The following PIGF variants were observed in gnomAD, a reference collection of about 807,000 sequenced individuals.
PIGF encodes the protein phosphatidylinositol glycan anchor biosynthesis class F.
Under a neutral mutation model 26.0 loss-of-function variants are expected in PIGF, and 23 were observed. The observed-to-expected ratio is 0.88, with a 90% CI of 0.64 to 1.25. The LOEUF (loss-of-function observed/expected upper bound fraction) is 1.25. Among genes scored for constraint, PIGF ranks in the 50% most tolerant of loss-of-function variants. PIGF has a pLI of 0.00. For synonymous variants in PIGF, 93 were observed against 92.6 expected (o/e 1.00, Z -0.03); for missense variants, 278 against 249.9 (o/e 1.11, Z -0.76).
chr2:46,586,124 A>T (rs913574714), intron 5 of PIGF, among the ~76,000 whole-genome samples: 1 of 152,310 alleles, frequency 6.6e-6, no homozygotes. Context: ...AATGTCTGTT[A>T]CAAGAGCAAA....
chr2:46,582,021 TAAAG>T (rs1395950199), intron 5 of PIGF: 1 of 158,224 alleles, frequency 6.3e-6, no homozygotes, highest in Non-Finnish European at 1.4e-5. Context: ...TAAGTTGTGT[TAAAG>T]AGGAAAGACC....
intron 4 of PIGF, among the ~76,000 whole-genome samples, chr2:46,607,733 C>T (rs988937125): frequency 4.0e-5 from 6 of 151,564 alleles, no homozygotes; most frequent in African/African-American, 1.2e-4. Flanking sequence ...CTCGCTCTAT[C>T]GCCCAGGCTG....
intron 4 of PIGF, among the ~76,000 whole-genome samples, chr2:46,606,146 A>G (rs1047742577): frequency 3.3e-5 from 5 of 152,198 alleles, no homozygotes; most frequent in African/African-American, 1.2e-4. Context: ...CTAACTCATT[A>G]TAACTTTTAT....
chr2:46,593,249 C>A (rs1669780387), intron 4 of PIGF, among the ~76,000 whole-genome samples: 1 of 151,714 alleles, frequency 6.6e-6, no homozygotes. Flanking sequence ...TCTCCTGCCT[C>A]AGACTCCTGA....
chr2:46,585,530 T>C (rs1255837148), intron 5 of PIGF, among the ~76,000 whole-genome samples: 1 of 152,228 alleles, frequency 6.6e-6, no homozygotes, highest in Non-Finnish European at 1.5e-5. Context: ...GTACCTACTA[T>C]ACTTAAAATG....
chr2:46,583,022 T>C (rs1669452600), intron 5 of PIGF: 1 of 152,148 alleles, frequency 6.6e-6, no homozygotes, highest in Admixed American at 6.5e-5. Flanking sequence ...TTAGATAAAA[T>C]TGAAAGGAAT....
chr2:46,587,248 C>G (rs1669607644), intron 5 of PIGF, among the ~76,000 whole-genome samples: 2 of 151,998 alleles, frequency 1.3e-5, no homozygotes, highest in Admixed American at 6.6e-5. Flanking sequence ...AACGTAAAAA[C>G]CTGCAGCTCT....
chr2:46,589,109 T>C lies in PIGF; in HGVS notation c.546+3366A>G, dbSNP rs1329332810. On this transcript the variant is annotated intron_variant, in intron 5 of 5. Coordinates refer to ENST00000281382, the MANE Select transcript of PIGF (RefSeq NM_002643.4). The surrounding 1 kb of genome is among the most constrained non-coding windows in gnomAD (Gnocchi z 4.7). ...GAGGCAAGAAGATGACTTTAAAGTA[T>C]TAAAACAACAACAAAGATGACCAAC... 6.6e-6 allele frequency among the ~76,000 whole-genome samples: 1 copy of C among 152,042 alleles called. No homozygotes were observed. Among genetic ancestry groups the C allele is most frequent in the East Asian group, 1.9e-4 (1 of 5,194 alleles).
At position 46,614,984 on chromosome 2, in the gene PIGF, C is replaced by T. The variant is rs138803066; in HGVS notation, c.181G>A (p.Val61Ile). Residue 61 changes from valine to isoleucine, a missense_variant, in exon 2 of 6, where the codon GTA (valine) becomes ATA (isoleucine). Coordinates refer to ENST00000281382, the MANE Select transcript of PIGF (RefSeq NM_002643.4). ...TTAGAGGATGTATTTGGTTTCACTA[C>T]TAAATATAGTACTAGATTGACAGCA... ...VTAVNLVLYL[V>I]VKPNTSSKRS... 1 of 1,604,144 alleles carries T rather than the reference C, an allele frequency of 6.2e-7. No homozygotes were observed. The highest frequency in any genetic ancestry group is 1.7e-5 in the Admixed American group (1 of 60,006).
chr2:46,588,217 C>A lies in PIGF; in HGVS notation c.546+4258G>T. On this transcript the variant is annotated intron_variant, in intron 5 of 5. Transcript: ENST00000281382. The surrounding 1 kb of genome is among the most constrained non-coding windows in gnomAD (Gnocchi z 4.1). Reference sequence around the variant, plus strand: ...ACAGGATTGAAAATTATGTGAAATCCAAATACCCTAAATTGGCATAACTAA... The same window carrying A: ...ACAGGATTGAAAATTATGTGAAATCAAAATACCCTAAATTGGCATAACTAA... 1 of 1,606,188 alleles carries A rather than the reference C, an allele frequency of 6.2e-7. No individual in the cohort carries two copies. The highest frequency in any genetic ancestry group is 8.5e-7 in the Non-Finnish European group (1 of 1,176,838).
chr2:46,592,009 T>C, intron 5 of PIGF: 1 of 1,276,214 alleles, frequency 7.8e-7, no homozygotes, highest in Non-Finnish European at 1.0e-6. Flanking sequence ...GCAATAAATA[T>C]CAAAGTTGAA....
intron 5 of PIGF, among the ~76,000 whole-genome samples, chr2:46,590,156 G>A (rs1203426959): frequency 6.6e-6 from 1 of 152,032 alleles, no homozygotes; most frequent in Admixed American, 6.6e-5. Flanking sequence ...ATTTAAATTA[G>A]ATTTAAAATT....
At chr2:46,611,383 C>T (rs1243208345) in intron 4 of PIGF, among the ~76,000 whole-genome samples, 6 of 151,648 alleles carry the variant, frequency 4.0e-5, no homozygotes, top group African/African-American at 1.5e-4. Context: ...ACTTGGGAGG[C>T]TGAGGCAGGA....
At position 46,588,434 on chromosome 2, in the gene PIGF, G is replaced by A. The variant is rs541346974; in HGVS notation, c.546+4041C>T. On this transcript the variant is annotated intron_variant, in intron 5 of 5. Transcript: ENST00000281382. This position sits in a 1 kb window ranked among gnomAD's most constrained non-coding sequence, Gnocchi z 4.1. ...ACTATGTCTTTTCTAGGTCACAAAT[G>A]CCTGTAACATTAATTAAGTAATAAC... is the stretch of plus-strand genomic sequence containing the variant. 8.6e-6 allele frequency: 3 copies of A among 348,066 alleles called. No homozygotes were observed. Among genetic ancestry groups the A allele is most frequent in the South Asian group, 3.4e-5 (1 of 29,218 alleles). The allele number at this position is 348,066 out of a possible 1,614,324, so 21.6% of individuals were successfully genotyped here.
At chr2:46,603,822 A>C (rs1315337727) in intron 4 of PIGF, among the ~76,000 whole-genome samples, 1 of 152,230 alleles carries the variant, frequency 6.6e-6, no homozygotes, top group South Asian at 2.1e-4. Context: ...ATAATACCCC[A>C]CAAGCACAGG....
intron 4 of PIGF, among the ~76,000 whole-genome samples, chr2:46,597,446 T>G (rs1431385671): frequency 1.3e-5 from 2 of 151,714 alleles, no homozygotes; most frequent in African/African-American, 4.8e-5. Context: ...GAAGTCTCAC[T>G]TTGTCATCCA....
At chr2:46,585,498 C>T (rs1408136678) in intron 5 of PIGF, among the ~76,000 whole-genome samples, 2 of 152,242 alleles carry the variant, frequency 1.3e-5, no homozygotes, top group East Asian at 1.9e-4. Context: ...GCCTCAGTTT[C>T]CCCTACAGAA....
At chr2:46,608,905 AT>A (rs1288251704) in intron 4 of PIGF, among the ~76,000 whole-genome samples, 37 of 152,310 alleles carry the variant, frequency 2.4e-4, no homozygotes, top group Non-Finnish European at 4.4e-5. Context: ...ATTTAGCATA[AT>A]TCTTAAGGGC....
At position 46,588,733 on chromosome 2, in the gene PIGF, C is replaced by T. The variant is rs1234667818; in HGVS notation, c.546+3742G>A. The T allele has an allele frequency of 6.6e-6, 1 of 152,282 alleles. No homozygotes were observed. The highest frequency in any genetic ancestry group is 1.5e-5 in the Non-Finnish European group (1 of 68,130). 9.4% of individuals were successfully genotyped at this position (152,282 alleles called of 1,614,324 possible). On this transcript the variant is annotated intron_variant, in intron 5 of 5. Coordinates refer to ENST00000281382, the MANE Select transcript of PIGF (RefSeq NM_002643.4). This position sits in a 1 kb window ranked among gnomAD's most constrained non-coding sequence, Gnocchi z 4.1. ...GACAAGACATTTTCCAGATGAAAAA[C>T]CTCATAGCTACATATTCTATGAAAT...
Sources: gnomAD v4.1 joint callset for allele counts (sites outside exome capture counted in the v4.1 genomes callset) on GRCh38, gnomAD v4.1.1 for gene constraint, Gnocchi (gnomAD v3.1) non-coding constraint, MANE v1.5 for transcripts, NCBI Gene and HGNC (gene_info 2026-07-23, HGNC 2026-07-21) for gene names.